The following CHRM2 variants were observed in gnomAD, a reference collection of about 807,000 sequenced individuals.
The protein encoded by CHRM2 is cholinergic receptor muscarinic 2, also known as muscarinic acetylcholine receptor M2.
CHRM2 carries 8 observed loss-of-function variants against 25.0 expected under a neutral mutation model. The observed-to-expected ratio is 0.32, with a 90% CI of 0.19 to 0.58. The LOEUF (loss-of-function observed/expected upper bound fraction) is 0.58, where lower values mean the gene tolerates loss of function less well. CHRM2 is among the 20% of genes least tolerant of loss of function. CHRM2 has a pLI of 0.88. For missense variants in CHRM2, 440 were observed against 567.1 expected (o/e 0.78, Z 2.28); for synonymous variants, 202 against 205.7 (o/e 0.98, Z 0.15).
intron 3 of CHRM2, among the ~76,000 whole-genome samples, chr7:137,002,035 G>T (rs934178637): frequency 1.4e-4 from 21 of 152,020 alleles, no homozygotes; most frequent in African/African-American, 5.1e-4. Flanking sequence ...AAGGAATGAA[G>T]TTGTCAAGAT....
intron 2 of CHRM2, among the ~76,000 whole-genome samples, chr7:136,938,845 C>G (rs1030343548): frequency 8.8e-5 from 13 of 147,586 alleles, no homozygotes; most frequent in African/African-American, 3.3e-4. Flanking sequence ...CTGGGGACCC[C>G]CCTTGCCGAT....
chr7:136,885,512 T>C (rs1332729343), intron 2 of CHRM2, among the ~76,000 whole-genome samples: 1 of 152,242 alleles, frequency 6.6e-6, no homozygotes, highest in Non-Finnish European at 1.5e-5. Flanking sequence ...CAGTATTCAG[T>C]CAGTTGTATA....
chr7:136,949,192 T>A (rs1800243126), intron 2 of CHRM2, among the ~76,000 whole-genome samples: 1 of 152,180 alleles, frequency 6.6e-6, no homozygotes, highest in Admixed American at 6.5e-5. Flanking sequence ...ACACTACAGA[T>A]AAATTATTTA....
intron 2 of CHRM2, among the ~76,000 whole-genome samples, chr7:136,988,868 T>C (rs1013751528): frequency 5.3e-5 from 8 of 152,094 alleles, no homozygotes; most frequent in Non-Finnish European, 7.4e-5. Flanking sequence ...AATATGCCTA[T>C]ACATATACAT....
chr7:136,971,936 A>G (rs1021555450), intron 2 of CHRM2, among the ~76,000 whole-genome samples: 1 of 152,100 alleles, frequency 6.6e-6, no homozygotes, highest in Non-Finnish European at 1.5e-5. Flanking sequence ...GCAGCAGTAA[A>G]TTCTCTGAGC....
chr7:136,995,763 C>T (rs918105793), intron 3 of CHRM2, among the ~76,000 whole-genome samples: 30 of 151,876 alleles, frequency 2.0e-4, no homozygotes, highest in African/African-American at 7.2e-4. Context: ...AAGAACCTGT[C>T]TCTAAATAAA....
chr7:136,901,001 G>A (rs1232570020), intron 2 of CHRM2, among the ~76,000 whole-genome samples: 1 of 151,994 alleles, frequency 6.6e-6, no homozygotes, highest in African/African-American at 2.4e-5. Context: ...AAATTACATA[G>A]AAATAATTTT....
chr7:136,937,346 T>G (rs1584786666), intron 2 of CHRM2, among the ~76,000 whole-genome samples: 1 of 151,984 alleles, frequency 6.6e-6, no homozygotes, highest in Admixed American at 6.5e-5. Context: ...AAACTGAATG[T>G]AAGAATTAAT....
intron 3 of CHRM2, among the ~76,000 whole-genome samples, chr7:137,000,925 A>G (rs1803993548): frequency 6.6e-6 from 1 of 152,202 alleles, no homozygotes; most frequent in South Asian, 2.1e-4. Context: ...TAACCATTTA[A>G]GGGTTTGTTT....
At chr7:136,979,390 T>C (rs868816600) in intron 2 of CHRM2, among the ~76,000 whole-genome samples, 24 of 152,220 alleles carry the variant, frequency 1.6e-4, no homozygotes, top group African/African-American at 5.8e-4. Context: ...TCCTATTCTG[T>C]AGGTTGCCTG....
intron 2 of CHRM2, among the ~76,000 whole-genome samples, chr7:136,878,195 A>G (rs1228764517): frequency 1.3e-5 from 2 of 151,948 alleles, no homozygotes; most frequent in African/African-American, 4.8e-5. Flanking sequence ...ATTTGGTTTC[A>G]TTTTAGGGAG....
chr7:136,952,992 G>A lies in CHRM2; in HGVS notation c.-124-39195G>A, dbSNP rs1032450684. ...TCAGTCTATCATTATGGGCATTTAG[G>A]TTGATTCCATGTCTTTACTATGGTG... On this transcript the variant is annotated intron_variant, in intron 2 of 3. Coordinates refer to ENST00000680005, the MANE Select transcript of CHRM2 (RefSeq NM_001006630.2). 3.3e-5 allele frequency among the ~76,000 whole-genome samples: 5 copies of A among 152,178 alleles called. No homozygotes were observed. In the South Asian group the frequency reaches 1.0e-3, roughly 32 times the overall value.
chr7:136,980,042 G>C (rs1802378404), intron 2 of CHRM2, among the ~76,000 whole-genome samples: 1 of 152,108 alleles, frequency 6.6e-6, no homozygotes, highest in African/African-American at 2.4e-5. Context: ...GGTCAGTATG[G>C]CCATTTTCAT....
intron 3 of CHRM2, among the ~76,000 whole-genome samples, chr7:136,998,324 C>T (rs1803744376): frequency 9.7e-6 from 1 of 102,598 alleles, no homozygotes; most frequent in Admixed American, 8.4e-5. Context: ...CCACAGCTGA[C>T]ACAAAGTGAG....
At position 136,874,370 on chromosome 7, in the gene CHRM2, C is replaced by T. The variant is rs1795963069; in HGVS notation, c.-125+4952C>T. ...ATTTATTTCTCTTTTTTTTTCTTCA[C>T]ATGTTCTAGCTCCTTCTTTTATACT... is the stretch of plus-strand genomic sequence containing the variant. On this transcript the variant is annotated intron_variant, in intron 2 of 3. Coordinates refer to ENST00000680005, the MANE Select transcript of CHRM2 (RefSeq NM_001006630.2). 2.0e-5 allele frequency among the ~76,000 whole-genome samples: 3 copies of T among 151,628 alleles called. No homozygotes were observed. The South Asian group carries it at 6.2e-4, about 31-fold the overall frequency.
At chr7:136,928,285 T>C (rs1396655772) in intron 2 of CHRM2, among the ~76,000 whole-genome samples, 1 of 152,204 alleles carries the variant, frequency 6.6e-6, no homozygotes, top group Non-Finnish European at 1.5e-5. Flanking sequence ...ACTTAACTTC[T>C]CTGGGCCTCA....
intron 2 of CHRM2, among the ~76,000 whole-genome samples, chr7:136,883,841 C>T (rs1393208894): frequency 2.6e-5 from 4 of 152,086 alleles, no homozygotes; most frequent in Non-Finnish European, 1.5e-5. Context: ...TGACGCCAAC[C>T]TATCAGAACA....
intron 2 of CHRM2, among the ~76,000 whole-genome samples, chr7:136,916,918 C>T (rs1012099237): frequency 1.7e-4 from 25 of 150,958 alleles, no homozygotes; most frequent in Non-Finnish European, 1.3e-4. Flanking sequence ...AACTTAGTCT[C>T]AGATCTCAGT....
At position 136,977,935 on chromosome 7, in the gene CHRM2, G is replaced by A. The variant is rs533125093; in HGVS notation, c.-124-14252G>A. 4.6e-5 allele frequency among the ~76,000 whole-genome samples: 7 copies of A among 152,182 alleles called. No individual in the cohort carries two copies. In the East Asian group the frequency reaches 5.8e-4, roughly 13 times the overall value. ...CATATACTGTGAAAGGTAGGGGTCC[G>A]GTTTCATTCTTCTGCATATGGCTAA... On this transcript the variant is annotated intron_variant, in intron 2 of 3. Transcript: ENST00000680005.
Sources: gnomAD v4.1 joint callset for allele counts (sites outside exome capture counted in the v4.1 genomes callset) on GRCh38, gnomAD v4.1.1 for gene constraint, MANE v1.5 for transcripts, NCBI Gene and HGNC (gene_info 2026-07-23, HGNC 2026-07-21) for gene names.